SLC35F4: variants seen among roughly 807,000 people sequenced by gnomAD.
The protein encoded by SLC35F4 is solute carrier family 35 member F4, also known as chromosome 14 open reading frame 36.
Under a neutral mutation model 44.2 loss-of-function variants are expected in SLC35F4, and 24 were observed. The observed-to-expected ratio is 0.54, with a 90% confidence interval of 0.39 to 0.76. The LOEUF (loss-of-function observed/expected upper bound fraction) is 0.76. SLC35F4 is among the 30% of genes least tolerant of loss of function. The pLI is 0.00. For synonymous variants in SLC35F4, 238 were observed against 223.6 expected (o/e 1.06, Z -0.57); for missense variants, 562 against 586.1 (o/e 0.96, Z 0.42).
At chr14:57,935,856 G>A (rs993528518) in intron 1 of SLC35F4, among the ~76,000 whole-genome samples, 98 of 152,242 alleles carry the variant, frequency 6.4e-4, no homozygotes, top group African/African-American at 2.2e-3. Flanking sequence ...TTAAAATTAG[G>A]ATCTTGTTTT....
chr14:57,948,501 C>G (rs1276104428), intron 1 of SLC35F4, among the ~76,000 whole-genome samples: 1 of 151,674 alleles, frequency 6.6e-6, no homozygotes, highest in Non-Finnish European at 1.5e-5. Flanking sequence ...TTTTATTTAT[C>G]TTTTGTATTG....
At chr14:57,828,030 A>T (rs1883972011) in intron 1 of SLC35F4, among the ~76,000 whole-genome samples, 1 of 152,104 alleles carries the variant, frequency 6.6e-6, no homozygotes, top group Non-Finnish European at 1.5e-5. Context: ...TATAATTTCC[A>T]TTAAAGGGAC....
At chr14:57,601,656 A>G (rs1453940115) in intron 1 of SLC35F4, among the ~76,000 whole-genome samples, 2 of 152,220 alleles carry the variant, frequency 1.3e-5, no homozygotes, top group Non-Finnish European at 2.9e-5. Flanking sequence ...TCTGTTATAA[A>G]CATCTTATCC....
chr14:57,735,740 A>G (rs1174708182), intron 1 of SLC35F4, among the ~76,000 whole-genome samples: 1 of 129,012 alleles, frequency 7.8e-6, no homozygotes. Context: ...TTTTTTTTTT[A>G]AAGACAGAGC....
At chr14:57,722,682 G>C (rs769850657) in intron 1 of SLC35F4, among the ~76,000 whole-genome samples, 1 of 152,184 alleles carries the variant, frequency 6.6e-6, no homozygotes, top group Non-Finnish European at 1.5e-5. Flanking sequence ...AATCAGAATA[G>C]TCTGACTTCT....
chr14:57,677,917 T>C (rs2074754843), intron 1 of SLC35F4, among the ~76,000 whole-genome samples: 1 of 152,032 alleles, frequency 6.6e-6, no homozygotes, highest in African/African-American at 2.4e-5. Context: ...GCAGCATCAC[T>C]AGTAATCAAA....
At position 57,594,143 on chromosome 14, in the gene SLC35F4, C is replaced by G. The variant is rs772076825; in HGVS notation, c.104-19G>C. On this transcript the variant is annotated intron_variant, in intron 1 of 7. Transcript: ENST00000556826. ...GAGGTACCTGGAAAGACAGAGTTCA[C>G]GCCAGTTTGAGAACTGCCTGAACAA... is the stretch of plus-strand genomic sequence containing the variant. 1.7e-5 allele frequency: 28 copies of G among 1,606,538 alleles called. No individual in the cohort carries two copies. The highest frequency in any genetic ancestry group is 2.2e-5 in the Non-Finnish European group (26 of 1,176,542).
At chr14:57,574,556 G>T (rs937572561) in intron 4 of SLC35F4, among the ~76,000 whole-genome samples, 7 of 152,166 alleles carry the variant, frequency 4.6e-5, no homozygotes, top group Non-Finnish European at 1.0e-4. Flanking sequence ...GGTGCGGGTG[G>T]AGGGTATAGT....
intron 1 of SLC35F4, among the ~76,000 whole-genome samples, chr14:57,737,798 A>T (rs1017856140): frequency 6.6e-6 from 1 of 152,250 alleles, no homozygotes; most frequent in Admixed American, 6.5e-5. Context: ...ACAGATGAGC[A>T]GAAGCTTGGC....
At chr14:57,700,610 A>G (rs2075509810) in intron 1 of SLC35F4, among the ~76,000 whole-genome samples, 1 of 152,176 alleles carries the variant, frequency 6.6e-6, no homozygotes, top group Non-Finnish European at 1.5e-5. Flanking sequence ...CCTGTACAAA[A>G]ACATTTTCAG....
At chr14:57,793,410 C>G (rs1223035099) in intron 1 of SLC35F4, among the ~76,000 whole-genome samples, 2 of 152,024 alleles carry the variant, frequency 1.3e-5, no homozygotes, top group East Asian at 3.9e-4. Flanking sequence ...CTTCTACCTT[C>G]TGAGCCTCCA....
rs199785589 is a variant in SLC35F4, at chr14:57,578,325, G to GTTTTTTTTTTTTTTTTTTTTT, written c.807+2868_807+2888dup. Among the ~76,000 whole-genome samples the GTTTTTTTTTTTTTTTTTTTTT allele has an allele frequency of 6.7e-4, 29 of 43,166 alleles. 10 individuals are homozygous for GTTTTTTTTTTTTTTTTTTTTT. The highest frequency in any genetic ancestry group is 1.1e-3 in the South Asian group (1 of 924). The allele number at this position is 43,166 out of a possible 152,430, so 28.3% of individuals were successfully genotyped here. On this transcript the variant is annotated intron_variant, in intron 4 of 7. Transcript: ENST00000556826. ...GATGACTGAAAGCATCCCTTTAACTGTTTTTTTTTTTTTTTTTTTTTTTTT... is the reference window on the plus strand; with the variant it reads ...GATGACTGAAAGCATCCCTTTAACTGTTTTTTTTTTTTTTTTTTTTTTTTTTTTTTTTTTTTTTTTTTTTTT...
intron 1 of SLC35F4, among the ~76,000 whole-genome samples, chr14:57,938,264 T>C (rs1242531500): frequency 6.6e-6 from 1 of 150,914 alleles, no homozygotes; most frequent in African/African-American, 2.4e-5. Context: ...AAGGAGACTC[T>C]CAAGCAGACA....
intron 1 of SLC35F4, among the ~76,000 whole-genome samples, chr14:57,926,409 T>C (rs1889569625): frequency 6.6e-6 from 1 of 152,170 alleles, no homozygotes; most frequent in South Asian, 2.1e-4. Flanking sequence ...TTTCCATCAC[T>C]TACACAGTCA....
At chr14:57,964,989 A>ATATATATATATATATATATAT (rs1351434287) in intron 1 of SLC35F4, among the ~76,000 whole-genome samples, 2 of 127,912 alleles carry the variant, frequency 1.6e-5, no homozygotes, top group African/African-American at 6.6e-5. Context: ...AAAAAAAAAA[A>ATATATATATATATATATATAT]AAATATATAT....
chr14:57,717,121 G>C (rs1161688350), intron 1 of SLC35F4, among the ~76,000 whole-genome samples: 1 of 152,038 alleles, frequency 6.6e-6, no homozygotes, highest in East Asian at 1.9e-4. Flanking sequence ...GAACCCTTAG[G>C]TTAATTTCAT....
In SLC35F4 at chr14:57,742,981, G is replaced by A. The variant is rs147314923; in HGVS notation, c.103+122742C>T. Among the ~76,000 whole-genome samples the A allele has an allele frequency of 7.8e-3, 1,185 of 152,182 alleles. 10 individuals are homozygous for A. Among genetic ancestry groups the A allele is most frequent in the South Asian group, 0.022 (106 of 4,812 alleles). On this transcript the variant is annotated intron_variant, in intron 1 of 7. Coordinates refer to ENST00000556826, the MANE Select transcript of SLC35F4 (RefSeq NM_001306087.2). Reference sequence around the variant, plus strand: ...CTGCTCCTGAATGACTACTGGGTACGTAACAAAATGAAGGCAGAAATAAAG... The same window carrying A: ...CTGCTCCTGAATGACTACTGGGTACATAACAAAATGAAGGCAGAAATAAAG...
chr14:57,637,385 A>C (rs2073054813), intron 1 of SLC35F4, among the ~76,000 whole-genome samples: 1 of 152,122 alleles, frequency 6.6e-6, no homozygotes, highest in East Asian at 1.9e-4. Flanking sequence ...TAAAGTCAGA[A>C]AGTGTCTCCT....
Position 57,866,044 on chromosome 14 carries a change from T to C in SLC35F4, c.-219A>G, listed in dbSNP as rs2141023077. On this transcript the variant is annotated 5_prime_UTR_variant, in exon 1 of 8. Coordinates refer to ENST00000556826, the MANE Select transcript of SLC35F4 (RefSeq NM_001306087.2). Reference sequence around the variant, plus strand: ...GCCCCCACTCGGGCCGGCCTCTCCGTCAGCCTGGCAGCTCTCCCGCGCGCC... The same window carrying C: ...GCCCCCACTCGGGCCGGCCTCTCCGCCAGCCTGGCAGCTCTCCCGCGCGCC... 4 of 301,338 alleles carry C rather than the reference T, an allele frequency of 1.3e-5. No homozygotes were observed. The highest frequency in any genetic ancestry group is 1.9e-4 in the South Asian group (2 of 10,728). The allele number at this position is 301,338 out of a possible 1,614,324, so 18.7% of individuals were successfully genotyped here.
Sources: allele counts gnomAD v4.1 joint callset (sites outside exome capture counted in the v4.1 genomes callset), GRCh38; gene constraint gnomAD v4.1.1; transcripts MANE v1.5; gene names NCBI Gene and HGNC (gene_info 2026-07-23, HGNC 2026-07-21).